Variants in ANKRD36C observed in about 807,000 individuals in gnomAD.
ANKRD36C encodes ankyrin repeat domain-containing protein 36C.
ANKRD36C carries 61 observed loss-of-function variants against 276.4 expected under a neutral mutation model. The ratio of observed to expected loss-of-function variants is 0.22; its 90% CI spans 0.18 to 0.27. ANKRD36C has a LOEUF of 0.27. Among genes scored for constraint, ANKRD36C ranks in the 10% least tolerant of loss-of-function variants. The pLI is 1.00. For missense variants in ANKRD36C, 1,447 were observed against 2,032.3 expected (o/e 0.71, Z 5.54); for synonymous variants, 483 against 680.1 (o/e 0.71, Z 4.51).
chr2:95,876,473 T>A, exon 59 of ANKRD36C: 1 of 1,606,544 alleles, frequency 6.2e-7, no homozygotes, highest in Non-Finnish European at 8.5e-7. Context: ...TTCAAGCCTC[T>A]TTTGCTCTCC....
intron 24 of ANKRD36C, among the ~76,000 whole-genome samples, chr2:95,932,713 T>A: frequency 6.6e-6 from 1 of 152,312 alleles, no homozygotes; most frequent in Non-Finnish European, 1.5e-5. Context: ...CTTACTTTCT[T>A]CATTTTTGAA....
At chr2:95,960,093 T>C (rs1678420908) in intron 10 of ANKRD36C, among the ~76,000 whole-genome samples, 2 of 152,084 alleles carry the variant, frequency 1.3e-5, no homozygotes, top group African/African-American at 4.8e-5. Context: ...TACGATCACT[T>C]CTTCCCTCTG....
intron 19 of ANKRD36C, among the ~76,000 whole-genome samples, chr2:95,943,864 T>C (rs201036853): frequency 4.0e-4 from 60 of 151,270 alleles, no homozygotes; most frequent in African/African-American, 1.4e-3. Context: ...TAAATAGATG[T>C]ATATATTTTC....
At chr2:95,870,595 A>C (rs1675784964) in intron 59 of ANKRD36C, among the ~76,000 whole-genome samples, 1 of 152,184 alleles carries the variant, frequency 6.6e-6, no homozygotes, top group African/African-American at 2.4e-5. Context: ...GGAAACTCTA[A>C]AAAGCAGAGC....
intron 3 of ANKRD36C, among the ~76,000 whole-genome samples, chr2:95,984,996 C>T (rs1678999166): frequency 6.6e-6 from 1 of 152,102 alleles, no homozygotes; most frequent in Non-Finnish European, 1.5e-5. Flanking sequence ...AGAGCTTCAG[C>T]TTTAAAAAAA....
chr2:95,925,138 A>C (rs1376841816), intron 30 of ANKRD36C, among the ~76,000 whole-genome samples: 1 of 151,482 alleles, frequency 6.6e-6, no homozygotes, highest in African/African-American at 2.4e-5. Context: ...CTTCCATCCA[A>C]ATTCAATGTA....
At chr2:95,958,486 A>G (rs1678382461) in intron 12 of ANKRD36C, 105 bp downstream of exon 12, 2 of 1,418,068 alleles carry the variant, frequency 1.4e-6, no homozygotes, top group South Asian at 2.6e-5. Context: ...GGCCCGCTGA[A>G]TCAGAATGCG....
chr2:95,854,635 T>C (rs1395824965), intron 63 of ANKRD36C, among the ~76,000 whole-genome samples: 2 of 152,176 alleles, frequency 1.3e-5, no homozygotes, highest in Admixed American at 6.6e-5. Flanking sequence ...TCAAACATGA[T>C]TTGGCTAAAA....
chr2:95,923,093 A>G (rs1200266550), intron 32 of ANKRD36C, among the ~76,000 whole-genome samples: 1 of 151,410 alleles, frequency 6.6e-6, no homozygotes, highest in South Asian at 2.1e-4. Context: ...TCGTTCTACA[A>G]TTTTTACTGG....
chr2:95,984,765 CTT>C (rs1248758583), intron 3 of ANKRD36C, among the ~76,000 whole-genome samples: 5 of 152,040 alleles, frequency 3.3e-5, no homozygotes, highest in Non-Finnish European at 7.4e-5. Context: ...ATAATATTAA[CTT>C]ATAATTCTAG....
intron 3 of ANKRD36C, among the ~76,000 whole-genome samples, chr2:95,985,855 A>G (rs1465612737): frequency 3.3e-5 from 5 of 152,250 alleles, no homozygotes; most frequent in Middle Eastern, 3.4e-3. Context: ...TGATTTTACT[A>G]TTTATAAGCT....
intron 44 of ANKRD36C, 101 bp from the exon 63 acceptor site, chr2:95,893,825 A>G: frequency 6.3e-7 from 1 of 1,577,056 alleles, no homozygotes. Context: ...TCCTGCCTGT[A>G]TTAGCGTAGG....
intron 50 of ANKRD36C, among the ~76,000 whole-genome samples, chr2:95,887,320 G>A (rs961761920): frequency 6.6e-6 from 1 of 151,296 alleles, no homozygotes; most frequent in African/African-American, 2.4e-5. Flanking sequence ...CCTGCACCCA[G>A]TAGTTCCAGC....
chr2:95,937,641 G>A (rs1159649540), intron 22 of ANKRD36C, among the ~76,000 whole-genome samples: 1 of 152,292 alleles, frequency 6.6e-6, no homozygotes, highest in Non-Finnish European at 1.5e-5. Flanking sequence ...TCTATGTAAG[G>A]AAGCCAAGGT....
At chr2:95,886,706 T>C (rs1254907944) in intron 50 of ANKRD36C, among the ~76,000 whole-genome samples, 1 of 151,760 alleles carries the variant, frequency 6.6e-6, no homozygotes, top group African/African-American at 2.4e-5. Flanking sequence ...GGTACACAAT[T>C]ACAATGACAC....
chr2:95,855,715 G>A lies in ANKRD36C; in HGVS notation c.4546C>T (p.Gln1516Ter). The change falls in exon 63 of 67, where the codon CAA becomes TAA. Residue 1516 changes from glutamine (Q) to a stop codon, truncating the protein, a stop_gained. Coordinates refer to ENST00000456556, the Ensembl canonical transcript of ANKRD36C. LOFTEE classifies it high-confidence loss of function. ...AACTTACTCTCAGCTTTAGAAAGTT[G>A]CAGAGAAAGAATCAGAACATGAGAA... is the stretch of plus-strand genomic sequence containing the variant. 6.2e-7 allele frequency: 1 copy of A among 1,612,898 alleles called. No homozygotes were observed.
chr2:95,980,682 C>T (rs1479037522), exon 5 of ANKRD36C: 2 of 1,612,702 alleles, frequency 1.2e-6, no homozygotes, highest in East Asian at 4.5e-5. Flanking sequence ...TAATCTTCTG[C>T]AAGCTTTCCA....
chr2:95,962,595 A>T, intron 6 of ANKRD36C, 48 bp from the exon 7 acceptor site: 1 of 1,590,708 alleles, frequency 6.3e-7, no homozygotes, highest in Non-Finnish European at 8.5e-7. Context: ...AATATGATAC[A>T]ATTATCCATA....
At chr2:95,911,288 T>C (rs180797387) in intron 42 of ANKRD36C, among the ~76,000 whole-genome samples, 76 of 151,580 alleles carry the variant, frequency 5.0e-4, no homozygotes, top group African/African-American at 1.7e-3. Context: ...TTTTGACATA[T>C]TTCTACAAAG....
Sources: gnomAD v4.1 joint callset for allele counts (sites outside exome capture counted in the v4.1 genomes callset) on GRCh38, gnomAD v4.1.1 for gene constraint, MANE v1.5 for transcripts, NCBI Gene and HGNC (gene_info 2026-07-23, HGNC 2026-07-21) for gene names.